The following PCDH12 variants were observed in gnomAD, a reference collection of about 807,000 sequenced individuals.
PCDH12 encodes protocadherin-12.
In PCDH12, 45 loss-of-function variants were observed where a neutral mutation model predicts 70.9. That is an observed-to-expected ratio of 0.63 (90% confidence interval 0.50 to 0.81). The LOEUF (loss-of-function observed/expected upper bound fraction) is 0.81. Ranked by LOEUF, PCDH12 falls within the 40% of genes least tolerant of loss-of-function variation. The pLI is 0.00. For synonymous variants in PCDH12, 567 were observed against 626.0 expected (o/e 0.91, Z 1.41); for missense variants, 1,370 against 1,491.7 (o/e 0.92, Z 1.34).
intron 2 of PCDH12, among the ~76,000 whole-genome samples, chr5:141,949,868 G>A (rs1309775289): frequency 6.6e-6 from 1 of 152,212 alleles, no homozygotes; most frequent in East Asian, 1.9e-4. Context: ...CACATTGTAA[G>A]CACTCAGCAG....
In PCDH12 at chr5:141,957,351, G is replaced by A. The variant is rs1409061238; in HGVS notation, c.501C>T (p.Asn167=). The change falls in exon 1 of 4, where the codon AAC becomes AAT. Residue 167 remains asparagine (N), a synonymous_variant. Transcript: ENST00000231484. The surrounding 1 kb of genome is among the most constrained non-coding windows in gnomAD (Gnocchi z 4.3). ...DRALDPDTGP[N]TLHTYTLSPS... ...GAGACAGAGTGTAGGTGTGCAGGGT[G>A]TTAGGGCCTGTGTCTGGGTCAAGAG... 2 of 1,613,720 alleles carry A rather than the reference G, an allele frequency of 1.2e-6. No homozygotes were observed. The highest frequency in any genetic ancestry group is 1.3e-5 in the African/African-American group (1 of 74,934).
At chr5:141,950,903 G>A (rs1006390607) in intron 2 of PCDH12, among the ~76,000 whole-genome samples, 7 of 152,308 alleles carry the variant, frequency 4.6e-5, no homozygotes, top group Admixed American at 4.6e-4. Context: ...ATTACCACAA[G>A]GGAAATGGGA....
rs761900770 is a variant in PCDH12 at position 141,945,774 on chromosome 5, G to A, written c.3162C>T (p.Asp1054=). ...GLALDRLSAP[D]PAWMARLSLP... is the part of the protein sequence containing the mutation. The stretch of plus-strand genomic sequence containing the variant: ...AAGAGAGTCTCGCCATCCAGGCCGG[G>A]TCAGGGGCGCTCAGCCGGTCCAGGG... Residue 1054 remains aspartate (D), a synonymous_variant, in exon 4 of 4, where the codon GAC becomes GAT. Transcript: ENST00000231484. 15 of 1,613,482 alleles carry A rather than the reference G, an allele frequency of 9.3e-6. No homozygotes were observed. The highest frequency in any genetic ancestry group is 1.3e-5 in the Non-Finnish European group (15 of 1,179,958).
At chr5:141,952,214 G>T (rs756785019) in intron 1 of PCDH12, among the ~76,000 whole-genome samples, 6 of 152,204 alleles carry the variant, frequency 3.9e-5, no homozygotes, top group Non-Finnish European at 8.8e-5. Flanking sequence ...AGGGAGGCTG[G>T]CTGGAGATCA....
chr5:141,947,123 C>T lies in PCDH12; in HGVS notation c.3131-1318G>A, dbSNP rs557845159. 1.9e-3 allele frequency among the ~76,000 whole-genome samples: 285 copies of T among 152,224 alleles called. 4 individuals carry two copies. The highest frequency in any genetic ancestry group is 1.2e-3 in the Non-Finnish European group (84 of 68,028). On this transcript the variant is annotated intron_variant, in intron 3 of 3. Coordinates refer to ENST00000231484, the MANE Select transcript of PCDH12 (RefSeq NM_016580.4). ...CTTATGTAATTTGAACAAGTTATTC[C>T]GAAGTATGTGTAGTCATTTATTGTA...
At chr5:141,947,631 T>TA (rs1446231126) in intron 3 of PCDH12, among the ~76,000 whole-genome samples, 1 of 152,218 alleles carries the variant, frequency 6.6e-6, no homozygotes, top group African/African-American at 2.4e-5. Context: ...TAGGAAGTGG[T>TA]GAGACAGTAG....
chr5:141,955,238 T>A lies in PCDH12; in HGVS notation c.2614A>T (p.Thr872Ser). 6.2e-7 allele frequency: 1 copy of A among 1,614,202 alleles called. No individual in the cohort carries two copies. The highest frequency in any genetic ancestry group is 1.1e-5 in the South Asian group (1 of 91,084). ...NLNLPEPQPA[T>S]GQPRSRPLKV... ...AGAGGCCTGGAACGTGGCTGGCCTG[T>A]GGCAGGCTGGGGCTCGGGAAGGTTC... Residue 872 changes from threonine (T) to serine (S), a missense_variant, in exon 1 of 4, where the codon ACA becomes TCA. Transcript: ENST00000231484. The surrounding 1 kb of genome is among the most constrained non-coding windows in gnomAD (Gnocchi z 5.5).
At chr5:141,950,891 C>G (rs1371523704) in intron 2 of PCDH12, among the ~76,000 whole-genome samples, 2 of 152,152 alleles carry the variant, frequency 1.3e-5, no homozygotes, top group African/African-American at 4.8e-5. Context: ...AATCCTCACC[C>G]CATTACCACA....
chr5:141,956,272 T>C lies in PCDH12; in HGVS notation c.1580A>G (p.Glu527Gly). The part of the protein sequence containing the change: ...VTAQRSLNYE[E>G]MAGFEFQVIA... ...CACCTGGAACTCAAAGCCGGCCATC[T>C]CTTCATAGTTCAGTGACCTCTGAGC... The change falls in exon 1 of 4, where the codon GAG becomes GGG. Residue 527 changes from glutamate to glycine, a missense_variant. Glu to Gly is a moderately conservative substitution (Grantham distance 98). Coordinates refer to ENST00000231484, the MANE Select transcript of PCDH12 (RefSeq NM_016580.4). The C allele has an allele frequency of 6.2e-7, 1 of 1,614,224 alleles. No homozygotes were observed. Among genetic ancestry groups the C allele is most frequent in the Non-Finnish European group, 8.5e-7 (1 of 1,180,042 alleles).
At position 141,943,813 on chromosome 5, in the gene PCDH12, G is replaced by A. The variant is rs561251673; in HGVS notation, c.*1568C>T. ...TAAGGAGATCACTCTGGCCTAGAGT[G>A]AGGTGAGGAGAAACTCTGCCCCTGA... On this transcript the variant is annotated 3_prime_UTR_variant, in exon 4 of 4. Transcript: ENST00000231484. 1.3e-5 allele frequency: 2 copies of A among 152,294 alleles called. No homozygotes were observed. Among genetic ancestry groups the A allele is most frequent in the African/African-American group, 4.8e-5 (2 of 41,560 alleles). 9.4% of individuals were successfully genotyped at this position (152,294 alleles called of 1,614,324 possible). A position where few individuals can be genotyped will look rare whatever the true frequency, so the allele number is the denominator to read the frequency against.
At chr5:141,950,664 A>C (rs79438514) in intron 2 of PCDH12, among the ~76,000 whole-genome samples, 2,246 of 152,242 alleles carry the variant, frequency 0.015, 67 homozygotes, top group African/African-American at 0.051. Context: ...CCTGCAGTAC[A>C]CTACCTCTCA....
intron 1 of PCDH12, among the ~76,000 whole-genome samples, chr5:141,954,320 A>G (rs1375227328): frequency 6.6e-6 from 1 of 152,212 alleles, no homozygotes; most frequent in African/African-American, 2.4e-5. Flanking sequence ...AATGATGCCT[A>G]TGCTGGCCTT....
In PCDH12 at chr5:141,955,002, C is replaced by T. The variant is rs769469035; in HGVS notation, c.2850G>A (p.Glu950=). ...VAAFAERNPV[E]ELTVDSPPVQ... ...CAGGAGGAGAATCCACAGTGAGCTC[C>T]TCCACGGGGTTCCGCTCGGCGAAGG... Residue 950 remains glutamate (E), a synonymous_variant, in exon 1 of 4, where the codon GAG becomes GAA. Coordinates refer to ENST00000231484, the MANE Select transcript of PCDH12 (RefSeq NM_016580.4). The surrounding 1 kb of genome is among the most constrained non-coding windows in gnomAD (Gnocchi z 5.5). 2 of 1,613,968 alleles carry T rather than the reference C, an allele frequency of 1.2e-6. No individual in the cohort carries two copies. Among genetic ancestry groups the T allele is most frequent in the Admixed American group, 1.7e-5 (1 of 60,030 alleles).
chr5:141,954,699 G>T (rs1012794998), intron 1 of PCDH12, among the ~76,000 whole-genome samples: 3 of 152,100 alleles, frequency 2.0e-5, no homozygotes, highest in Non-Finnish European at 4.4e-5. Flanking sequence ...AAATCCTCTG[G>T]ACAACTCTAC....
At chr5:141,954,489 A>G (rs164086) in intron 1 of PCDH12, among the ~76,000 whole-genome samples, 86,364 of 152,046 alleles carry the variant, frequency 0.57, 24,992 homozygotes, top group East Asian at 0.83. Context: ...TTTATTTTCA[A>G]GCAAACTTAG....
At position 141,945,491 on chromosome 5, in the gene PCDH12, C is replaced by A. The variant is rs762172327; in HGVS notation, c.3445G>T (p.Asp1149Tyr). 3.7e-6 allele frequency: 6 copies of A among 1,613,404 alleles called. No individual in the cohort carries two copies. The Admixed American group carries it at 1.0e-4, about 27-fold the overall frequency. The change falls in exon 4 of 4, where the codon GAC becomes TAC. Residue 1149 changes from aspartate to tyrosine, a missense_variant. Transcript: ENST00000231484. The part of the protein sequence containing the change: ...LSVCGRTLSL[D>Y]LATSAASGMK... Reference sequence around the variant, plus strand: ...CCTGAGGCTGCACTGGTGGCCAAGTCTAAACTGAGGGTCCTCCCGCAGACC... The same window carrying A: ...CCTGAGGCTGCACTGGTGGCCAAGTATAAACTGAGGGTCCTCCCGCAGACC...
At chr5:141,951,466 T>A (rs376844519) in intron 2 of PCDH12, 27 bp downstream of exon 2, 5 of 1,573,964 alleles carry the variant, frequency 3.2e-6, no homozygotes, top group Non-Finnish European at 4.4e-6. Flanking sequence ...GGCCTTGAGA[T>A]GCCTGTGGGG....
intron 1 of PCDH12, chr5:141,953,147 C>T (rs1218709576): frequency 6.6e-6 from 1 of 152,250 alleles, no homozygotes; most frequent in Non-Finnish European, 1.5e-5. Context: ...CATTCAGGGT[C>T]ACTTCACAGT....
At chr5:141,948,986 G>A (rs779075147) in intron 3 of PCDH12, among the ~76,000 whole-genome samples, 8 of 151,936 alleles carry the variant, frequency 5.3e-5, no homozygotes, top group Non-Finnish European at 8.8e-5. Flanking sequence ...GGCTGAGGTG[G>A]GTGGATTGCT....
Sources: gnomAD v4.1 joint callset for allele counts (sites outside exome capture counted in the v4.1 genomes callset) on GRCh38, gnomAD v4.1.1 for gene constraint, Gnocchi (gnomAD v3.1) non-coding constraint, MANE v1.5 for transcripts, NCBI Gene and HGNC (gene_info 2026-07-23, HGNC 2026-07-21) for gene names.